Variants in COL25A1 observed in about 807,000 individuals in gnomAD.
COL25A1 encodes collagen alpha-1(XXV) chain.
Under a neutral mutation model 128.4 loss-of-function variants are expected in COL25A1, and 103 were observed. The observed-to-expected ratio is 0.80, with a 90% CI of 0.68 to 0.94. The LOEUF (loss-of-function observed/expected upper bound fraction) is 0.94, where lower values mean the gene tolerates loss of function less well. Ranked by LOEUF, COL25A1 falls within the 40% of genes least tolerant of loss-of-function variation. COL25A1 has a pLI of 0.00. For missense variants in COL25A1, 745 were observed against 840.0 expected (o/e 0.89, Z 1.40); for synonymous variants, 279 against 277.2 (o/e 1.01, Z -0.06).
intron 3 of COL25A1, among the ~76,000 whole-genome samples, chr4:109,102,913 C>A (rs753331299): frequency 6.6e-6 from 1 of 152,100 alleles, no homozygotes; most frequent in Non-Finnish European, 1.5e-5. Context: ...GGTGTGTAGA[C>A]TATTTACATT....
intron 6 of COL25A1, among the ~76,000 whole-genome samples, chr4:109,007,011 T>C (rs1756082181): frequency 6.6e-6 from 1 of 152,144 alleles, no homozygotes; most frequent in African/African-American, 2.4e-5. Context: ...ATGACACACG[T>C]TTACCTGTGT....
At chr4:109,102,029 A>G (rs1765943971) in intron 3 of COL25A1, among the ~76,000 whole-genome samples, 1 of 152,212 alleles carries the variant, frequency 6.6e-6, no homozygotes, top group African/African-American at 2.4e-5. Context: ...CTTAGGATAT[A>G]AATTCTTTAT....
chr4:109,238,164 T>C (rs1209515779), intron 3 of COL25A1, among the ~76,000 whole-genome samples: 1 of 152,208 alleles, frequency 6.6e-6, no homozygotes, highest in Admixed American at 6.6e-5. Flanking sequence ...TCATTTCCCT[T>C]GAGGTATACA....
chr4:109,155,790 G>A lies in COL25A1; in HGVS notation c.368-105611C>T, dbSNP rs370324080. On this transcript the variant is annotated intron_variant, in intron 3 of 37. Coordinates refer to ENST00000399132, the MANE Select transcript of COL25A1 (RefSeq NM_198721.4). ...CATAGAATGAATTTGGTTAAACCAG[G>A]CACCATTATGTAAGTAGGCCAGATA... Among the ~76,000 whole-genome samples, 21 of 152,250 alleles carry A rather than the reference G, an allele frequency of 1.4e-4. No homozygotes were observed. The South Asian group carries it at 4.4e-3, about 32-fold the overall frequency.
intron 31 of COL25A1, among the ~76,000 whole-genome samples, chr4:108,834,703 T>G (rs1420802171): frequency 6.6e-6 from 1 of 152,178 alleles, no homozygotes; most frequent in African/African-American, 2.4e-5. Flanking sequence ...CTATCTAATT[T>G]CCATATGAAA....
intron 3 of COL25A1, among the ~76,000 whole-genome samples, chr4:109,160,503 AGAG>A (rs1179013206): frequency 1.3e-5 from 2 of 152,228 alleles, no homozygotes; most frequent in African/African-American, 2.4e-5. Flanking sequence ...AAAGAAAAGC[AGAG>A]GAGATTTCTA....
intron 3 of COL25A1, among the ~76,000 whole-genome samples, chr4:109,237,403 A>G (rs1248622972): frequency 1.3e-5 from 2 of 152,050 alleles, no homozygotes; most frequent in East Asian, 3.9e-4. Flanking sequence ...AGAGCTCAAC[A>G]TATTTTGGGG....
chr4:109,073,518 A>G (rs1487932271), intron 3 of COL25A1, among the ~76,000 whole-genome samples: 1 of 149,428 alleles, frequency 6.7e-6, no homozygotes, highest in African/African-American at 2.5e-5. Context: ...ATTTTGGCTT[A>G]ATAATATAAC....
At chr4:109,081,767 A>G (rs559442175) in intron 3 of COL25A1, among the ~76,000 whole-genome samples, 2 of 151,812 alleles carry the variant, frequency 1.3e-5, no homozygotes, top group Non-Finnish European at 2.9e-5. Flanking sequence ...GCAGTGGCAC[A>G]GTCTTGGCTC....
chr4:109,264,557 T>C (rs1309051203), intron 3 of COL25A1, among the ~76,000 whole-genome samples: 2 of 152,064 alleles, frequency 1.3e-5, no homozygotes, highest in East Asian at 1.9e-4. Context: ...AAATTATGGG[T>C]GGTGCCAGGG....
At chr4:109,159,007 T>C (rs1772301580) in intron 3 of COL25A1, among the ~76,000 whole-genome samples, 1 of 152,128 alleles carries the variant, frequency 6.6e-6, no homozygotes, top group Non-Finnish European at 1.5e-5. Flanking sequence ...GTAGTATGTA[T>C]TTTATTATGA....
chr4:109,078,661 G>T (rs893053601), intron 3 of COL25A1, among the ~76,000 whole-genome samples: 2 of 152,202 alleles, frequency 1.3e-5, no homozygotes, highest in African/African-American at 4.8e-5. Context: ...CTTATAATAT[G>T]CAGGAAAGTT....
chr4:108,844,411 G>A, intron 30 of COL25A1, 108 bp downstream of exon 30: 7 of 1,580,742 alleles, frequency 4.4e-6, no homozygotes, highest in African/African-American at 1.3e-5. Flanking sequence ...CCATTCCACA[G>A]AGAGTAGTAC....
intron 3 of COL25A1, among the ~76,000 whole-genome samples, chr4:109,086,113 A>C (rs968652338): frequency 2.6e-5 from 4 of 152,186 alleles, no homozygotes; most frequent in African/African-American, 9.7e-5. Context: ...AGTACTACAC[A>C]TTTTTTTAGA....
intron 3 of COL25A1, among the ~76,000 whole-genome samples, chr4:109,098,469 GTGCTCATATGAGAGTAAATATC>G (rs1193217780): frequency 6.6e-6 from 1 of 152,224 alleles, no homozygotes; most frequent in African/African-American, 2.4e-5. Flanking sequence ...GATAAAGCAA[GTGCTCATATGAGAGTAAATATC>G]TGCCTGTGTT....
intron 3 of COL25A1, among the ~76,000 whole-genome samples, chr4:109,148,828 C>T (rs1251549760): frequency 6.6e-6 from 1 of 152,144 alleles, no homozygotes; most frequent in South Asian, 2.1e-4. Context: ...AGCTGCCCAG[C>T]CTTCTCACCT....
At chr4:109,266,600 C>A (rs1278780874) in intron 3 of COL25A1, among the ~76,000 whole-genome samples, 1 of 151,894 alleles carries the variant, frequency 6.6e-6, no homozygotes, top group East Asian at 1.9e-4. Flanking sequence ...ATGGTTGCCT[C>A]CTGACCAGTC....
chr4:108,911,297 C>T (rs931824526), intron 13 of COL25A1, among the ~76,000 whole-genome samples: 1 of 152,182 alleles, frequency 6.6e-6, no homozygotes, highest in Non-Finnish European at 1.5e-5. Flanking sequence ...GATAGCTTCT[C>T]TTCTTTTGCC....
chr4:109,022,186 C>T (rs1323120396), intron 5 of COL25A1: 1 of 453,290 alleles, frequency 2.2e-6, no homozygotes, highest in Middle Eastern at 6.9e-4. Flanking sequence ...TGTGATGTTG[C>T]CCCTGGCGGC....
Sources: allele counts gnomAD v4.1 joint callset (sites outside exome capture counted in the v4.1 genomes callset), GRCh38; gene constraint gnomAD v4.1.1; transcripts MANE v1.5; gene names NCBI Gene and HGNC (gene_info 2026-07-23, HGNC 2026-07-21).